Variants in TAF4B observed in about 807,000 individuals in gnomAD.
The protein encoded by TAF4B is TATA-box binding protein associated factor 4b, also known as transcription initiation factor TFIID subunit 4B.
Under a neutral mutation model 86.4 loss-of-function variants are expected in TAF4B, and 38 were observed. That is an observed-to-expected ratio of 0.44 (90% CI 0.34 to 0.58). TAF4B has a LOEUF of 0.58. TAF4B is among the 20% of genes least tolerant of loss of function. TAF4B has a pLI of 0.02. For synonymous variants in TAF4B, 388 were observed against 391.2 expected (o/e 0.99, Z 0.10); for missense variants, 988 against 1,027.6 (o/e 0.96, Z 0.53).
At chr18:26,358,567 G>T (rs181473861) in intron 14 of TAF4B, among the ~76,000 whole-genome samples, 1 of 152,126 alleles carries the variant, frequency 6.6e-6, no homozygotes, top group Non-Finnish European at 1.5e-5. Context: ...AAAATTAGCC[G>T]AACGTGGTGG....
In TAF4B at chr18:26,321,183, C is replaced by T; in HGVS notation, c.2116C>T (p.Arg706Ter). ...AAAACTGACTGCAATTGCTCAGCAT[C>T]GAATGACTACTTACAAGGTAAAGGA... ...LEKLTAIAQH[R>*]MTTYKASENY... is the part of the protein sequence containing the mutation. The change falls in exon 11 of 15, where the codon CGA becomes TGA. Residue 706 changes from arginine (R) to a stop codon, truncating the protein, a stop_gained. Transcript: ENST00000269142. LOFTEE classifies it high-confidence loss of function. The T allele has an allele frequency of 3.1e-6, 5 of 1,613,642 alleles. No individual in the cohort carries two copies. The highest frequency in any genetic ancestry group is 1.1e-5 in the South Asian group (1 of 91,052).
chr18:26,256,017 A>G, intron 1 of TAF4B: 1 of 1,268,976 alleles, frequency 7.9e-7, no homozygotes, highest in Non-Finnish European at 1.2e-6. Context: ...CGATGTTTAA[A>G]TTCCTTCTGC....
At chr18:26,274,138 G>A (rs953116325) in intron 3 of TAF4B, among the ~76,000 whole-genome samples, 18 of 152,136 alleles carry the variant, frequency 1.2e-4, no homozygotes, top group African/African-American at 4.3e-4. Flanking sequence ...TTTTCAGTGT[G>A]AATATAAGAT....
intron 9 of TAF4B, among the ~76,000 whole-genome samples, chr18:26,306,034 CT>C (rs2056791095): frequency 2.0e-5 from 3 of 152,186 alleles, no homozygotes; most frequent in Non-Finnish European, 4.4e-5. Flanking sequence ...CAAATTATCT[CT>C]CATATTCAGA....
intron 3 of TAF4B, among the ~76,000 whole-genome samples, chr18:26,274,325 CT>C (rs1257545969): frequency 6.6e-5 from 10 of 152,094 alleles, no homozygotes; most frequent in Non-Finnish European, 1.5e-4. Flanking sequence ...TTTTTGAGGA[CT>C]TATTTGCTTT....
intron 1 of TAF4B, among the ~76,000 whole-genome samples, chr18:26,260,216 T>G (rs959302723): frequency 4.6e-5 from 7 of 152,240 alleles, no homozygotes; most frequent in Non-Finnish European, 8.8e-5. Flanking sequence ...AAAAATTTTC[T>G]CCCATTCTGT....
intron 12 of TAF4B, among the ~76,000 whole-genome samples, chr18:26,332,483 A>G (rs1330582926): frequency 6.6e-6 from 1 of 151,928 alleles, no homozygotes; most frequent in South Asian, 2.1e-4. Context: ...TTAAAGTGTT[A>G]CATCAGTGAC....
At chr18:26,254,628 A>G (rs1177485314) in intron 1 of TAF4B, among the ~76,000 whole-genome samples, 1 of 152,110 alleles carries the variant, frequency 6.6e-6, no homozygotes, top group Non-Finnish European at 1.5e-5. Flanking sequence ...AGACTTGCAC[A>G]TTTTTTCAGA....
Position 26,282,046 on chromosome 18 carries a change from G to T in TAF4B, c.958G>T (p.Val320Phe), listed in dbSNP as rs773855169. 5.6e-6 allele frequency: 9 copies of T among 1,612,358 alleles called. No homozygotes were observed. In the South Asian group the frequency reaches 9.9e-5, roughly 18 times the overall value. Residue 320 changes from valine (V) to phenylalanine (F), a missense_variant, in exon 6 of 15, where the codon GTT becomes TTT. This residue lies in a region of TAF4B where 747 missense variants were observed against 737.9 expected (regional missense o/e 1.01). Transcript: ENST00000269142. ...CAAGTCTTCACCTCAGCCTCACCTG[G>T]TTCCTTTTCTTAAGGTAGAGTTATG... ...ELKSSPQPHL[V>F]PFLKKSVVAL...
Position 26,277,815 on chromosome 18 carries a change from A to G in TAF4B, c.882+2762A>G, listed in dbSNP as rs776363732. Among the ~76,000 whole-genome samples the G allele has an allele frequency of 2.3e-3, 343 of 152,278 alleles. 6 individuals are homozygous for G. Among genetic ancestry groups the G allele is most frequent in the Non-Finnish European group, 4.1e-4 (28 of 68,000 alleles). On this transcript the variant is annotated intron_variant, in intron 5 of 14. Coordinates refer to ENST00000269142, the MANE Select transcript of TAF4B (RefSeq NM_005640.3). ...TCACTGAGTTATGCAGATCTTTCAA[A>G]TGTTTCCAGATTTATTATTTAAGAT...
At chr18:26,286,605 G>T in intron 7 of TAF4B, 106 bp downstream of exon 7, 1 of 1,258,206 alleles carries the variant, frequency 7.9e-7, no homozygotes, top group Non-Finnish European at 1.1e-6. Context: ...TACTGTTTAC[G>T]GGTTTGACCA....
chr18:26,226,904 G>A lies in TAF4B; in HGVS notation c.-30G>A. Reference sequence around the variant, plus strand: ...CCTCACCTCTGCTCCCGGAACCGCAGCGCCAAAGCTGCCGCTGAGCCCCTG... The same window carrying A: ...CCTCACCTCTGCTCCCGGAACCGCAACGCCAAAGCTGCCGCTGAGCCCCTG... On this transcript the variant is annotated 5_prime_UTR_variant, in exon 1 of 15. Transcript: ENST00000269142. 7.4e-7 allele frequency: 1 copy of A among 1,348,252 alleles called. No homozygotes were observed. Among genetic ancestry groups the A allele is most frequent in the Non-Finnish European group, 9.5e-7 (1 of 1,057,646 alleles). 83.5% of individuals were successfully genotyped at this position (1,348,252 alleles called of 1,614,324 possible).
chr18:26,311,658 A>G lies in TAF4B; in HGVS notation c.1833-3571A>G, dbSNP rs187253319. ...AAACAAGCATAGGAAGTTGAAGACTAGAACAGGAAGGGAATAGTCTAAGCA... is the reference window on the plus strand; with the variant it reads ...AAACAAGCATAGGAAGTTGAAGACTGGAACAGGAAGGGAATAGTCTAAGCA... On this transcript the variant is annotated intron_variant, in intron 9 of 14. Transcript: ENST00000269142. 3.3e-5 allele frequency among the ~76,000 whole-genome samples: 5 copies of G among 152,264 alleles called. No homozygotes were observed. In the East Asian group the frequency reaches 7.7e-4, roughly 23 times the overall value.
chr18:26,376,492 A>G (rs1201405487), intron 14 of TAF4B, among the ~76,000 whole-genome samples: 1 of 151,162 alleles, frequency 6.6e-6, no homozygotes, highest in East Asian at 2.0e-4. Context: ...GTCAGTGTAT[A>G]GAACTACTAT....
chr18:26,233,779 C>T (rs1438130975), intron 1 of TAF4B, among the ~76,000 whole-genome samples: 1 of 152,206 alleles, frequency 6.6e-6, no homozygotes, highest in African/African-American at 2.4e-5. Flanking sequence ...CACAGACCAA[C>T]AAGTATTGAA....
chr18:26,251,822 G>A (rs1050484441), intron 1 of TAF4B, among the ~76,000 whole-genome samples: 1 of 152,092 alleles, frequency 6.6e-6, no homozygotes, highest in Non-Finnish European at 1.5e-5. Flanking sequence ...ATAAATAATT[G>A]GTTAAGGTTG....
At chr18:26,245,847 T>A (rs957577955) in intron 1 of TAF4B, among the ~76,000 whole-genome samples, 10 of 152,268 alleles carry the variant, frequency 6.6e-5, no homozygotes, top group Non-Finnish European at 1.3e-4. Context: ...TGTAGTCCAC[T>A]GTATTGACAT....
At chr18:26,301,657 A>T (rs553508557) in intron 9 of TAF4B, among the ~76,000 whole-genome samples, 173 of 152,178 alleles carry the variant, frequency 1.1e-3, no homozygotes, top group African/African-American at 4.0e-3. Flanking sequence ...CTCTATTTCT[A>T]TTATCTGGCT....
chr18:26,276,015 C>CAAAAAAA (rs374826135), intron 5 of TAF4B, among the ~76,000 whole-genome samples: 2 of 75,938 alleles, frequency 2.6e-5, no homozygotes, highest in Non-Finnish European at 5.4e-5. Context: ...GACTCTGTCT[C>CAAAAAAA]AAAAAAAAAA....
Sources: allele counts gnomAD v4.1 joint callset (sites outside exome capture counted in the v4.1 genomes callset), GRCh38; gene constraint gnomAD v4.1.1; regional missense constraint gnomAD v4.1.1; transcripts MANE v1.5; gene names NCBI Gene and HGNC (gene_info 2026-07-23, HGNC 2026-07-21).